The following TFB1M variants were observed in gnomAD, a reference collection of about 807,000 sequenced individuals.
TFB1M encodes dimethyladenosine transferase 1, mitochondrial.
In TFB1M, 27 loss-of-function variants were observed where a neutral mutation model predicts 31.1. That is an observed-to-expected ratio of 0.87 (90% CI 0.64 to 1.20). The LOEUF (loss-of-function observed/expected upper bound fraction) is 1.20, where lower values mean the gene tolerates loss of function less well. Ranked by LOEUF, TFB1M falls within the 50% of genes most tolerant of loss-of-function variation. TFB1M has a pLI of 0.00. For missense variants in TFB1M, 394 were observed against 418.7 expected (o/e 0.94, Z 0.51); for synonymous variants, 166 against 151.8 (o/e 1.09, Z -0.69).
At chr6:155,254,318 TG>T, downstream of TFB1M, 1 of 1,485,064 alleles carries the variant, frequency 6.7e-7, no homozygotes, top group Non-Finnish European at 9.2e-7. Context: ...GCTGGCAGCC[TG>T]GTCCAGCAGG....
Position 155,311,357 on chromosome 6 carries a change from T to C in TFB1M, c.134-18A>G. The C allele has an allele frequency of 6.2e-7, 1 of 1,611,404 alleles. No individual in the cohort carries two copies. The highest frequency in any genetic ancestry group is 8.5e-7 in the Non-Finnish European group (1 of 1,177,600). On this transcript the variant is annotated intron_variant, in intron 1 of 6. Coordinates refer to ENST00000367166, the MANE Select transcript of TFB1M (RefSeq NM_016020.4). ...AATCTTATCTAGAGGAAAAAGAGTT[T>C]TAGTTATCTCAATTAACTTGGCAAA...
the TFB1M span, among the ~76,000 whole-genome samples, chr6:155,233,119 G>GT: frequency 6.6e-6 from 1 of 152,158 alleles, no homozygotes; most frequent in Admixed American, 6.5e-5. Flanking sequence ...CTCCTGCCAC[G>GT]TATTTCATGC....
At chr6:155,251,829 G>A, downstream of TFB1M, 2 of 765,876 alleles carry the variant, frequency 2.6e-6, no homozygotes, top group Non-Finnish European at 2.2e-6. Context: ...GGCAGAGTGA[G>A]GTCTTAGAGA....
Position 155,256,527 on chromosome 6 carries a change from C to T in TFB1M, c.*1309G>A, listed in dbSNP as rs149916582. ...AAGTCCTGAAGAATTCCTCCAGCAA[C>T]GAGTGGACCGGTGAGACTGGCAAGG... On this transcript the variant is annotated 3_prime_UTR_variant, in exon 7 of 7. Coordinates refer to ENST00000367166, the MANE Select transcript of TFB1M (RefSeq NM_016020.4). 56 of 1,614,094 alleles carry T rather than the reference C, an allele frequency of 3.5e-5. No homozygotes were observed. The African/African-American group carries it at 4.0e-4, about 12-fold the overall frequency.
intron 5 of TFB1M, among the ~76,000 whole-genome samples, chr6:155,279,116 G>C (rs1424505673): frequency 6.6e-6 from 1 of 151,970 alleles, no homozygotes; most frequent in East Asian, 1.9e-4. Flanking sequence ...ACAGTTCTGA[G>C]TTTGAGAAAT....
In TFB1M at chr6:155,305,548, A is replaced by T. The variant is rs1177199486; in HGVS notation, c.285+5640T>A. Among the ~76,000 whole-genome samples the T allele has an allele frequency of 1.6e-4, 8 of 50,584 alleles. 1 individual carries two copies. The highest frequency in any genetic ancestry group is 8.9e-4 in the African/African-American group (8 of 9,022). 33.2% of individuals were successfully genotyped at this position (50,584 alleles called of 152,430 possible). A position where few individuals can be genotyped will look rare whatever the true frequency, so the allele number is the denominator to read the frequency against. ...ATTAAATTATATATTTATATATATA[A>T]ATATATATTAAATTATATATTTATA... On this transcript the variant is annotated intron_variant, in intron 2 of 6. Transcript: ENST00000367166.
At position 155,285,176 on chromosome 6, in the gene TFB1M, A is replaced by T; in HGVS notation, c.648T>A (p.Ala216=). 1 of 1,614,008 alleles carries T rather than the reference A, an allele frequency of 6.2e-7. No individual in the cohort carries two copies. Among genetic ancestry groups the T allele is most frequent in the Admixed American group, 1.7e-5 (1 of 60,024 alleles). The change falls in exon 5 of 7, where the codon GCT becomes GCA. Residue 216 remains alanine (A), a synonymous_variant. Coordinates refer to ENST00000367166, the MANE Select transcript of TFB1M (RefSeq NM_016020.4). ...AACTTACCTCTGGTTTGGGGACAAA[A>T]GCTTGTCCTGGAATCGTAAAGATGT... ...VRHIFTIPGQ[A]FVPKPEVDVG... is the part of the protein sequence containing the mutation.
the TFB1M span, among the ~76,000 whole-genome samples, chr6:155,248,413 T>C: frequency 6.6e-6 from 1 of 152,230 alleles, no homozygotes; most frequent in Admixed American, 6.5e-5. Flanking sequence ...CTCATCCGGG[T>C]AGCGCCATAC....
At chr6:155,300,798 T>G (rs1777392570) in intron 2 of TFB1M, among the ~76,000 whole-genome samples, 1 of 152,068 alleles carries the variant, frequency 6.6e-6, no homozygotes, top group Non-Finnish European at 1.5e-5. Context: ...TTTTCTTTTT[T>G]GTTTTTGTTT....
chr6:155,254,189 G>A, downstream of TFB1M: 6 of 1,066,622 alleles, frequency 5.6e-6, no homozygotes, highest in Non-Finnish European at 8.1e-6. Context: ...CTCCGAAAAA[G>A]GCAACTGAGG....
chr6:155,260,566 A>G, intron 5 of TFB1M, 166 bp from the exon 6 acceptor site: 1 of 836,092 alleles, frequency 1.2e-6, no homozygotes, highest in African/African-American at 1.7e-5. Flanking sequence ...AAGATGGTAC[A>G]TTCTGGATTC....
At chr6:155,288,395 A>C (rs1000966566) in intron 4 of TFB1M, among the ~76,000 whole-genome samples, 1 of 152,236 alleles carries the variant, frequency 6.6e-6, no homozygotes, top group African/African-American at 2.4e-5. Context: ...AGCTACAAAA[A>C]ATGACAGAAG....
chr6:155,249,762 G>A, the TFB1M span: 4 of 1,132,706 alleles, frequency 3.5e-6, no homozygotes, highest in Non-Finnish European at 5.0e-6. Context: ...GGAATCCTGA[G>A]TTGAATCTTG....
chr6:155,311,551 C>G (rs1270023116), intron 1 of TFB1M, among the ~76,000 whole-genome samples: 1 of 152,112 alleles, frequency 6.6e-6, no homozygotes, highest in Non-Finnish European at 1.5e-5. Context: ...TGTACCAGTC[C>G]CTTAACACAC....
At chr6:155,252,267 T>A (rs1300239505), downstream of TFB1M, among the ~76,000 whole-genome samples, 2 of 152,124 alleles carry the variant, frequency 1.3e-5, no homozygotes, top group African/African-American at 4.8e-5. Context: ...AGCCCAGGAA[T>A]TTGAGACCAG....
intron 4 of TFB1M, among the ~76,000 whole-genome samples, chr6:155,285,878 C>T (rs1461396002): frequency 6.6e-6 from 1 of 152,060 alleles, no homozygotes; most frequent in Non-Finnish European, 1.5e-5. Flanking sequence ...AAATGCAATG[C>T]AATTTCAATT....
chr6:155,243,022 C>A, the TFB1M span, among the ~76,000 whole-genome samples: 1 of 152,012 alleles, frequency 6.6e-6, no homozygotes, highest in Non-Finnish European at 1.5e-5. Flanking sequence ...GGATTACAGG[C>A]ATGAGACACC....
intron 5 of TFB1M, chr6:155,276,616 G>C: frequency 2.3e-6 from 1 of 430,128 alleles, no homozygotes; most frequent in South Asian, 4.1e-5. Context: ...ATTTATAATT[G>C]AAAGAGGTTC....
At chr6:155,301,855 C>T (rs1777443963) in intron 2 of TFB1M, among the ~76,000 whole-genome samples, 1 of 152,104 alleles carries the variant, frequency 6.6e-6, no homozygotes, top group Admixed American at 6.5e-5. Flanking sequence ...TTTTGCTTTT[C>T]AATAGTAGTT....
Sources: gnomAD v4.1 joint callset for allele counts (sites outside exome capture counted in the v4.1 genomes callset) on GRCh38, gnomAD v4.1.1 for gene constraint, MANE v1.5 for transcripts, NCBI Gene and HGNC (gene_info 2026-07-23, HGNC 2026-07-21) for gene names.